The following SCLY variants were observed in gnomAD, a reference collection of about 807,000 sequenced individuals.
SCLY encodes selenocysteine lyase, also known as putative selenocysteine lyase.
A neutral mutation model predicts 50.1 loss-of-function variants in SCLY; 38 were observed. That is an observed-to-expected ratio of 0.76 (90% confidence interval 0.59 to 0.99). SCLY has a LOEUF of 0.99. SCLY is among the 50% of genes least tolerant of loss of function. The pLI is 0.00. For missense variants in SCLY, 600 were observed against 620.0 expected (o/e 0.97, Z 0.34); for synonymous variants, 243 against 249.4 (o/e 0.97, Z 0.24).
chr2:238,064,579 T>G (rs1339236589), intron 2 of SCLY, 110 bp downstream of exon 2: 10 of 579,968 alleles, frequency 1.7e-5, no homozygotes, highest in Admixed American at 7.9e-5. Flanking sequence ...AGGTTTCTGT[T>G]AGCTGCAATT....
At chr2:238,090,366 A>G (rs376925995) in intron 7 of SCLY, among the ~76,000 whole-genome samples, 65 of 152,340 alleles carry the variant, frequency 4.3e-4, no homozygotes, top group African/African-American at 1.5e-3. Context: ...TAAGAAATTA[A>G]TGGGCCGGGC....
At chr2:238,078,407 T>C (rs1317501939) in intron 4 of SCLY, among the ~76,000 whole-genome samples, 1 of 152,200 alleles carries the variant, frequency 6.6e-6, no homozygotes, top group Non-Finnish European at 1.5e-5. Context: ...CTTTTCCCCC[T>C]TTACCGTTTT....
intron 3 of SCLY, among the ~76,000 whole-genome samples, chr2:238,068,757 T>G (rs2065099997): frequency 6.6e-6 from 1 of 152,246 alleles, no homozygotes. Context: ...TGATAGATAT[T>G]TAAGGACTTT....
chr2:238,069,389 G>A lies in SCLY; in HGVS notation c.396G>A (p.Lys132=). 2 of 1,614,100 alleles carry A rather than the reference G, an allele frequency of 1.2e-6. No homozygotes were observed. The highest frequency in any genetic ancestry group is 1.7e-6 in the Non-Finnish European group (2 of 1,179,960). The part of the protein sequence containing the change: ...GHTGGHHSPV[K]GAKPHFITSS... ...CAGGTGGGCACCACAGCCCAGTGAA[G>A]GGGGCCAAGCCCCATTTCATTACTT... Residue 132 remains lysine (K), a synonymous_variant, in exon 4 of 12, where the codon AAG becomes AAA. Coordinates refer to ENST00000254663, the MANE Select transcript of SCLY (RefSeq NM_016510.7). The surrounding 1 kb of genome is among the most constrained non-coding windows in gnomAD (Gnocchi z 5.0).
In SCLY at chr2:238,061,005, G is replaced by A; in HGVS notation, c.-50G>A. The stretch of plus-strand genomic sequence containing the variant: ...GCCTCCTCCCCGGCGCTCTGGGCCC[G>A]TAGCGCTCCGCGGGAAGGAGGCTGG... On this transcript the variant is annotated 5_prime_UTR_variant, in exon 1 of 12. Transcript: ENST00000254663. 8 of 1,317,840 alleles carry A rather than the reference G, an allele frequency of 6.1e-6. No homozygotes were observed. Among genetic ancestry groups the A allele is most frequent in the Non-Finnish European group, 7.8e-6 (8 of 1,027,098 alleles). The allele number at this position is 1,317,840 out of a possible 1,614,324, so 81.6% of individuals were successfully genotyped here.
At chr2:238,096,677 G>A in intron 10 of SCLY, 124 bp from the exon 11 acceptor site, 2 of 1,049,702 alleles carry the variant, frequency 1.9e-6, no homozygotes, top group Non-Finnish European at 2.9e-6. Context: ...AATGGCCAGT[G>A]CTGGAATTCC....
rs1452055470 is a variant in SCLY, at chr2:238,098,346, C to G, written c.1329C>G (p.Asp443Glu). 3 of 1,599,412 alleles carry G rather than the reference C, an allele frequency of 1.9e-6. No individual in the cohort carries two copies. The highest frequency in any genetic ancestry group is 2.5e-6 in the Non-Finnish European group (3 of 1,177,042). ...AGCAGGCCGTGGCGCAGCTGGAGGA[C>G]CAGGCCTAGCACTGGGGCCGCCTTC... Reference protein sequence around the residue: ...DLKQAVAQLEDQA With the variant: ...DLKQAVAQLEEQA Residue 443 changes from aspartate (D) to glutamate (E), a missense_variant, in exon 12 of 12, where the codon GAC becomes GAG. Physicochemically the swap from Asp to Glu is conservative, Grantham distance 45. Coordinates refer to ENST00000254663, the MANE Select transcript of SCLY (RefSeq NM_016510.7).
intron 1 of SCLY, chr2:238,061,434 C>T (rs1473177901): frequency 3.6e-6 from 2 of 555,670 alleles, no homozygotes; most frequent in Non-Finnish European, 6.7e-6. Flanking sequence ...GAAGAGGGCA[C>T]AGCAGATGCG....
chr2:238,087,770 C>T (rs1202922289), intron 7 of SCLY, among the ~76,000 whole-genome samples: 1 of 152,092 alleles, frequency 6.6e-6, no homozygotes, highest in African/African-American at 2.4e-5. Flanking sequence ...AAAATGTTTA[C>T]AAATAGAATT....
At chr2:238,080,333 C>CT (rs1266538628) in intron 4 of SCLY, 2 of 152,204 alleles carry the variant, frequency 1.3e-5, no homozygotes, top group Non-Finnish European at 2.9e-5. Context: ...GATCTAGAAT[C>CT]AGTCATTTAC....
rs1289998972 is a variant in SCLY at position 238,083,193 on chromosome 2, C to G, written c.778-55C>G. 5 of 1,217,554 alleles carry G rather than the reference C, an allele frequency of 4.1e-6. No homozygotes were observed. In the South Asian group the frequency reaches 4.8e-5, roughly 12 times the overall value. 75.4% of individuals were successfully genotyped at this position (1,217,554 alleles called of 1,614,324 possible). A position where few individuals can be genotyped will look rare whatever the true frequency, so the allele number is the denominator to read the frequency against. ...TGCCCCTAAGCACTTAGCATGTATA[C>G]AGAGTAGGTCCTTGGAAAGTTCTTG... On this transcript the variant is annotated intron_variant, in intron 6 of 11. Coordinates refer to ENST00000254663, the MANE Select transcript of SCLY (RefSeq NM_016510.7). This position sits in a 1 kb window ranked among gnomAD's most constrained non-coding sequence, Gnocchi z 4.3.
intron 8 of SCLY, chr2:238,091,552 T>TC: frequency 8.8e-5 from 27 of 308,534 alleles, no homozygotes; most frequent in South Asian, 2.4e-4. Context: ...AGGTTCACCA[T>TC]TCCCAAAGGC....
At chr2:238,073,916 T>C in intron 4 of SCLY, 1 of 376,850 alleles carries the variant, frequency 2.7e-6, no homozygotes, top group Middle Eastern at 9.3e-4. Context: ...TGTGAGAATA[T>C]AGCATATAAT....
chr2:238,089,466 T>C (rs1419901637), intron 7 of SCLY, among the ~76,000 whole-genome samples: 1 of 152,136 alleles, frequency 6.6e-6, no homozygotes, highest in African/African-American at 2.4e-5. Flanking sequence ...AAGTTAGCCT[T>C]TCAACAGATC....
At chr2:238,088,309 A>G (rs996701889) in intron 7 of SCLY, among the ~76,000 whole-genome samples, 1 of 152,092 alleles carries the variant, frequency 6.6e-6, no homozygotes, top group Non-Finnish European at 1.5e-5. Flanking sequence ...TACAAATACA[A>G]AAATTAGCCA....
intron 1 of SCLY, chr2:238,061,526 G>A (rs918839022): frequency 3.1e-5 from 5 of 159,300 alleles, no homozygotes; most frequent in South Asian, 1.7e-4. Flanking sequence ...GAGCCTTATG[G>A]GGCCTCGGAA....
Position 238,094,424 on chromosome 2 carries a change from A to C in SCLY, c.1010A>C (p.Glu337Ala), listed in dbSNP as rs536693904. 3.2e-5 allele frequency: 52 copies of C among 1,612,554 alleles called. No individual in the cohort carries two copies. Among genetic ancestry groups the C allele is most frequent in the Non-Finnish European group, 4.0e-5 (47 of 1,179,316 alleles). ...TATTTCACTTATTTTTTTCAGGCTG[A>C]ATTCGGTCAGAAGAGAATCCATCTG... ...RDYLEERLEA[E>A]FGQKRIHLNS... The change falls in exon 10 of 12, where the codon GAA (glutamate) becomes GCA (alanine). Residue 337 changes from glutamate (E) to alanine (A), a missense_variant. Glu to Ala is a moderately radical substitution (Grantham distance 107). Transcript: ENST00000254663.
Position 238,082,067 on chromosome 2 carries a change from G to A in SCLY, c.635G>A (p.Arg212His), listed in dbSNP as rs773584417. Reference protein sequence around the residue: ...IVMPVPEISQRIKALNQERVA... With the variant: ...IVMPVPEISQHIKALNQERVA... ...CAGCCTGTCCCTGAAATCAGTCAGC[G>A]CATTAAAGCCCTGAACCAGGAACGG... The change falls in exon 6 of 12, where the codon CGC becomes CAC. Residue 212 changes from arginine (R) to histidine (H), a missense_variant. Transcript: ENST00000254663. 4.5e-5 allele frequency: 73 copies of A among 1,613,690 alleles called. No individual in the cohort carries two copies. Among genetic ancestry groups the A allele is most frequent in the East Asian group, 3.1e-4 (14 of 44,876 alleles).
chr2:238,096,725 A>G lies in SCLY; in HGVS notation c.1109-76A>G, dbSNP rs2065440370. Reference sequence around the variant, plus strand: ...AGAGGGAGGGAAGCAGCCTGCGCCCAGCAGGACCCCGGGAAGGGACAGAAG... The same window carrying G: ...AGAGGGAGGGAAGCAGCCTGCGCCCGGCAGGACCCCGGGAAGGGACAGAAG... On this transcript the variant is annotated intron_variant, in intron 10 of 11. Transcript: ENST00000254663. 5 of 1,490,838 alleles carry G rather than the reference A, an allele frequency of 3.4e-6. No homozygotes were observed. In the South Asian group the frequency reaches 6.0e-5, roughly 18 times the overall value. The allele number at this position is 1,490,838 out of a possible 1,614,324, so 92.4% of individuals were successfully genotyped here.
Sources: gnomAD v4.1 joint callset for allele counts (sites outside exome capture counted in the v4.1 genomes callset) on GRCh38, gnomAD v4.1.1 for gene constraint, Gnocchi (gnomAD v3.1) non-coding constraint, MANE v1.5 for transcripts, NCBI Gene and HGNC (gene_info 2026-07-23, HGNC 2026-07-21) for gene names.